ARHGEF33: variants seen among roughly 807,000 people sequenced by gnomAD.
ARHGEF33 encodes Rho guanine nucleotide exchange factor 33.
ARHGEF33 carries 72 observed loss-of-function variants against 101.9 expected under a neutral mutation model. The ratio of observed to expected loss-of-function variants is 0.71; its 90% confidence interval spans 0.58 to 0.86. ARHGEF33 has a LOEUF of 0.86. Among genes scored for constraint, ARHGEF33 ranks in the 40% least tolerant of loss-of-function variants. ARHGEF33 has a pLI of 0.00. For missense variants in ARHGEF33, 1,169 were observed against 1,111.3 expected (o/e 1.05, Z -0.74); for synonymous variants, 499 against 442.5 (o/e 1.13, Z -1.60).
At chr2:38,943,665 T>C (rs1667368619) in intron 9 of ARHGEF33, among the ~76,000 whole-genome samples, 1 of 152,218 alleles carries the variant, frequency 6.6e-6, no homozygotes, top group Admixed American at 6.5e-5. Flanking sequence ...ATCCTTGAGC[T>C]TTCCAGATGC....
intron 2 of ARHGEF33, among the ~76,000 whole-genome samples, chr2:38,913,356 C>A (rs1030806463): frequency 6.6e-6 from 1 of 152,130 alleles, no homozygotes; most frequent in Non-Finnish European, 1.5e-5. Context: ...GCTCTATTAT[C>A]TTTTAAAGAA....
intron 14 of ARHGEF33, 129 bp from the exon 15 acceptor site, chr2:38,957,905 C>A (rs146353926): frequency 1.8e-6 from 2 of 1,131,624 alleles, no homozygotes; most frequent in African/African-American, 1.5e-5. Flanking sequence ...TTTGCAAAGG[C>A]CCCTGGAGAT....
At chr2:38,955,027 G>A (rs1230402887) in intron 13 of ARHGEF33, among the ~76,000 whole-genome samples, 1 of 152,078 alleles carries the variant, frequency 6.6e-6, no homozygotes, top group Non-Finnish European at 1.5e-5. Context: ...GCTGATCCAG[G>A]ATCTTTCTAG....
chr2:38,946,584 T>C (rs534215794), intron 10 of ARHGEF33, among the ~76,000 whole-genome samples: 1 of 152,288 alleles, frequency 6.6e-6, no homozygotes, highest in African/African-American at 2.4e-5. Context: ...CTCATTATCT[T>C]TCTTCTTTAA....
chr2:38,928,675 T>G (rs1446322833), intron 4 of ARHGEF33: 1 of 306,068 alleles, frequency 3.3e-6, no homozygotes, highest in African/African-American at 2.2e-5. Flanking sequence ...AACAGCTTGC[T>G]TTCTTGTCAT....
intron 2 of ARHGEF33, among the ~76,000 whole-genome samples, chr2:38,912,431 A>G (rs972439525): frequency 4.6e-5 from 7 of 152,142 alleles, no homozygotes; most frequent in Non-Finnish European, 8.8e-5. Flanking sequence ...AAGTCATATT[A>G]CCTTTCTGTG....
At position 38,931,171 on chromosome 2, in the gene ARHGEF33, T is replaced by G; in HGVS notation, c.425T>G (p.Phe142Cys). The G allele has an allele frequency of 6.4e-7, 1 of 1,551,642 alleles. No homozygotes were observed. The highest frequency in any genetic ancestry group is 2.4e-5 in the East Asian group (1 of 40,910). The change falls in exon 7 of 18, where the codon TTT (phenylalanine) becomes TGT (cysteine). Residue 142 changes from phenylalanine to cysteine, a missense_variant. Physicochemically the swap from Phe to Cys is radical, Grantham distance 205. Transcript: ENST00000409978. ...AGPAQAQGSPFRSINIPEPVL... is the reference protein window; with the variant it reads ...AGPAQAQGSPCRSINIPEPVL... ...CCTGCCCAAGCACAAGGAAGTCCTT[T>G]TCGTTCTATCAATATCCCTGAGCCT...
Position 38,953,148 on chromosome 2 carries a change from T to C in ARHGEF33, c.1054-14T>C, listed in dbSNP as rs998201037. The C allele has an allele frequency of 7.7e-7, 1 of 1,299,864 alleles. No homozygotes were observed. Among genetic ancestry groups the C allele is most frequent in the Non-Finnish European group, 1.1e-6 (1 of 917,188 alleles). The allele number at this position is 1,299,864 out of a possible 1,614,324, so 80.5% of individuals were successfully genotyped here. A position where few individuals can be genotyped will look rare whatever the true frequency, so the allele number is the denominator to read the frequency against. ...TTCAGGTTCTTACCATGCATTTTTG[T>C]GTTTGTTTTAAAGAATAATTTCTTG... On this transcript the variant is annotated splice_polypyrimidine_tract_variant and intron_variant, in intron 11 of 17. Coordinates refer to ENST00000409978, the MANE Select transcript of ARHGEF33 (RefSeq NM_001145451.5).
Position 38,960,056 on chromosome 2 carries a change from C to T in ARHGEF33, c.1751C>T (p.Pro584Leu). ...CCGGAGATGGACTTCGAGTCCTCTC[C>T]GGCGGAGCCGCTGGGCAACGTGGAG... ...AIPEMDFESS[P>L]AEPLGNVERS... is the part of the protein sequence containing the mutation. The change falls in exon 16 of 18, where the codon CCG (proline) becomes CTG (leucine). Residue 584 changes from proline to leucine, a missense_variant. Physicochemically the swap from Pro to Leu is moderately conservative, Grantham distance 98. Transcript: ENST00000409978. 1 of 1,542,080 alleles carries T rather than the reference C, an allele frequency of 6.5e-7. No homozygotes were observed. Among genetic ancestry groups the T allele is most frequent in the Non-Finnish European group, 8.8e-7 (1 of 1,142,722 alleles).
intron 4 of ARHGEF33, among the ~76,000 whole-genome samples, chr2:38,926,644 C>G (rs942871525): frequency 2.6e-5 from 4 of 152,132 alleles, no homozygotes; most frequent in Non-Finnish European, 5.9e-5. Context: ...GTTCCTATGT[C>G]ACCTGGCTGT....
chr2:38,932,391 T>C (rs1285040192), intron 7 of ARHGEF33, among the ~76,000 whole-genome samples: 3 of 152,242 alleles, frequency 2.0e-5, no homozygotes, highest in Non-Finnish European at 4.4e-5. Context: ...CCTCCCAAAG[T>C]GCTGGGATTA....
intron 10 of ARHGEF33, 92 bp downstream of exon 10, chr2:38,944,122 T>C: frequency 7.5e-7 from 1 of 1,324,648 alleles, no homozygotes; most frequent in Non-Finnish European, 1.0e-6. Flanking sequence ...CTGGGGCCTA[T>C]GAAGAGTTCC....
Position 38,973,731 on chromosome 2 carries a change from A to G in ARHGEF33, c.2501A>G (p.Tyr834Cys). 1 of 1,542,632 alleles carries G rather than the reference A, an allele frequency of 6.5e-7. No individual in the cohort carries two copies. The highest frequency in any genetic ancestry group is 8.7e-7 in the Non-Finnish European group (1 of 1,143,102). ...LFKKKSSGSE[Y>C]REKTNENPSM... ...GATTTTAGGTCCAGTGGATCAGAAT[A>G]CAGGGAAAAAACTAATGAGAATCCC... Residue 834 changes from tyrosine to cysteine, a missense_variant, in exon 18 of 18, where the codon TAC becomes TGC. Coordinates refer to ENST00000409978, the MANE Select transcript of ARHGEF33 (RefSeq NM_001145451.5).
chr2:38,908,260 A>G (rs1352433580), intron 2 of ARHGEF33, among the ~76,000 whole-genome samples: 2 of 152,174 alleles, frequency 1.3e-5, no homozygotes, highest in African/African-American at 4.8e-5. Flanking sequence ...ATAAGAAAAG[A>G]GATGAAGAAT....
intron 2 of ARHGEF33, among the ~76,000 whole-genome samples, chr2:38,910,724 C>A (rs1171850766): frequency 6.6e-6 from 1 of 152,180 alleles, no homozygotes; most frequent in Non-Finnish European, 1.5e-5. Flanking sequence ...CAATCTCTTT[C>A]TCTCATCAGA....
chr2:38,908,792 G>T (rs924086675), intron 2 of ARHGEF33, among the ~76,000 whole-genome samples: 4 of 152,154 alleles, frequency 2.6e-5, no homozygotes, highest in African/African-American at 9.7e-5. Context: ...CTCTTTCTTG[G>T]TTTTTCAAGC....
chr2:38,946,996 G>A (rs997458581), intron 10 of ARHGEF33, among the ~76,000 whole-genome samples: 4 of 152,048 alleles, frequency 2.6e-5, no homozygotes, highest in African/African-American at 4.8e-5. Context: ...TTTCTCTATC[G>A]GCATTTTTCT....
intron 17 of ARHGEF33, among the ~76,000 whole-genome samples, chr2:38,968,622 T>C (rs543776317): frequency 6.6e-6 from 1 of 152,348 alleles, no homozygotes; most frequent in Non-Finnish European, 1.5e-5. Flanking sequence ...GCCAGTGGAT[T>C]CCCTTAGTCC....
chr2:38,963,134 G>T (rs966489968), intron 16 of ARHGEF33, among the ~76,000 whole-genome samples: 3 of 152,046 alleles, frequency 2.0e-5, no homozygotes, highest in Non-Finnish European at 4.4e-5. Context: ...GGGCATGTAT[G>T]TGCACGTCTG....
Sources: allele counts gnomAD v4.1 joint callset (sites outside exome capture counted in the v4.1 genomes callset), GRCh38; gene constraint gnomAD v4.1.1; transcripts MANE v1.5; gene names NCBI Gene and HGNC (gene_info 2026-07-23, HGNC 2026-07-21).